FER: variants seen among roughly 807,000 people sequenced by gnomAD.
FER encodes FER tyrosine kinase, also known as tyrosine-protein kinase Fer.
Under a neutral mutation model 111.0 loss-of-function variants are expected in FER, and 63 were observed. The observed-to-expected ratio is 0.57, with a 90% CI of 0.46 to 0.70. The LOEUF is 0.70. Ranked by LOEUF, FER falls within the 30% of genes least tolerant of loss-of-function variation. The pLI is 0.00. For missense variants in FER, 914 were observed against 954.0 expected (o/e 0.96, Z 0.55); for synonymous variants, 327 against 313.9 (o/e 1.04, Z -0.44).
intron 13 of FER, among the ~76,000 whole-genome samples, chr5:108,992,748 G>A (rs1160567908): frequency 1.3e-5 from 2 of 151,720 alleles, no homozygotes; most frequent in Non-Finnish European, 1.5e-5. Context: ...CAGACGGGGT[G>A]GCTGCCGGGC....
chr5:109,004,570 G>A (rs1057383043), intron 13 of FER, among the ~76,000 whole-genome samples: 1 of 152,142 alleles, frequency 6.6e-6, no homozygotes, highest in Non-Finnish European at 1.5e-5. Flanking sequence ...ATGGTAATAT[G>A]CTTACAAAAT....
chr5:109,155,068 A>G (rs773736479), intron 17 of FER, among the ~76,000 whole-genome samples: 14 of 151,900 alleles, frequency 9.2e-5, no homozygotes, highest in Non-Finnish European at 1.2e-4. Context: ...AAATAGTTAC[A>G]TGGAAGCTTT....
At chr5:108,933,789 G>T (rs1177249203) in intron 10 of FER, among the ~76,000 whole-genome samples, 2 of 152,212 alleles carry the variant, frequency 1.3e-5, no homozygotes, top group East Asian at 1.9e-4. Flanking sequence ...TTGAGCAGTG[G>T]TTTGTAGTTC....
At chr5:109,122,969 T>A (rs912853288) in intron 17 of FER, among the ~76,000 whole-genome samples, 21 of 152,142 alleles carry the variant, frequency 1.4e-4, no homozygotes, top group African/African-American at 4.8e-4. Context: ...ATGGATGAAG[T>A]GTTTTTCTTG....
intron 18 of FER, among the ~76,000 whole-genome samples, chr5:109,184,909 A>G (rs1758692306): frequency 1.3e-5 from 2 of 152,162 alleles, no homozygotes; most frequent in African/African-American, 4.8e-5. Flanking sequence ...GTTTTGGAGG[A>G]GGAGTATTTA....
At chr5:109,053,691 A>ATTTTTTTTT (rs544623578) in intron 16 of FER, among the ~76,000 whole-genome samples, 1 of 119,402 alleles carries the variant, frequency 8.4e-6, no homozygotes, top group Admixed American at 9.0e-5. Flanking sequence ...GTGGAGTTCT[A>ATTTTTTTTT]TTTTTTTTTT....
chr5:108,857,562 T>C (rs1298422820), intron 5 of FER, among the ~76,000 whole-genome samples: 1 of 152,126 alleles, frequency 6.6e-6, no homozygotes, highest in Non-Finnish European at 1.5e-5. Context: ...ACGGTGTTAC[T>C]CTTCAGATTT....
intron 8 of FER, among the ~76,000 whole-genome samples, chr5:108,878,185 T>G (rs56985651): frequency 0.23 from 34,191 of 151,946 alleles, 4,012 homozygotes; most frequent in African/African-American, 0.28. Flanking sequence ...GCGATTACAT[T>G]CGGGAGCCAA....
At chr5:109,124,790 T>C (rs759316857) in intron 17 of FER, among the ~76,000 whole-genome samples, 9 of 152,100 alleles carry the variant, frequency 5.9e-5, no homozygotes, top group Non-Finnish European at 1.0e-4. Context: ...CTCACGCCTG[T>C]AATCCCAGCA....
At chr5:108,832,985 C>A in intron 4 of FER, 42 bp downstream of exon 4, 1 of 1,486,740 alleles carries the variant, frequency 6.7e-7, no homozygotes, top group Non-Finnish European at 9.0e-7. Flanking sequence ...AAATTGTTTT[C>A]CAAATTCACA....
chr5:108,892,581 G>A (rs1382762113), intron 9 of FER, among the ~76,000 whole-genome samples: 3 of 152,076 alleles, frequency 2.0e-5, no homozygotes, highest in Non-Finnish European at 2.9e-5. Flanking sequence ...TTTGTCAGAT[G>A]AGCAGCTTGC....
chr5:109,015,824 T>G (rs191920798), intron 13 of FER, among the ~76,000 whole-genome samples: 2 of 152,116 alleles, frequency 1.3e-5, no homozygotes, highest in Admixed American at 1.3e-4. Flanking sequence ...AGAAATTGGC[T>G]TTTTTCTGTG....
chr5:108,764,865 G>GACTTACCT (rs1463680817), intron 1 of FER, among the ~76,000 whole-genome samples: 1 of 152,180 alleles, frequency 6.6e-6, no homozygotes. Flanking sequence ...GGTAAGGCAA[G>GACTTACCT]AGAGTTGCCT....
chr5:109,194,614 T>C lies in FER; in HGVS notation c.*7039T>C, dbSNP rs75911198. 0.11 allele frequency: 16,494 copies of C among 152,254 alleles called. 916 individuals are homozygous for C. The highest frequency in any genetic ancestry group is 0.17 in the Middle Eastern group (50 of 294). The allele number at this position is 152,254 out of a possible 1,614,324, so 9.4% of individuals were successfully genotyped here. ...TCAGTTAGAACACCCTTGCAAAAAC[T>C]GTAACCACTTAAGCAATTCATCTGA... is the stretch of plus-strand genomic sequence containing the variant. On this transcript the variant is annotated 3_prime_UTR_variant, in exon 20 of 20. Coordinates refer to ENST00000281092, the MANE Select transcript of FER (RefSeq NM_005246.4).
At chr5:109,165,750 C>T (rs1756489846) in intron 17 of FER, among the ~76,000 whole-genome samples, 1 of 152,060 alleles carries the variant, frequency 6.6e-6, no homozygotes, top group South Asian at 2.1e-4. Context: ...GGGTGGTAAA[C>T]ATATGTAACA....
intron 9 of FER, among the ~76,000 whole-genome samples, chr5:108,890,415 T>C (rs1747846873): frequency 6.6e-6 from 1 of 152,046 alleles, no homozygotes; most frequent in South Asian, 2.1e-4. Flanking sequence ...GTGTTGGCAG[T>C]GTTGGTTCCT....
At chr5:109,166,636 C>T (rs1232408781) in intron 17 of FER, among the ~76,000 whole-genome samples, 1 of 152,178 alleles carries the variant, frequency 6.6e-6, no homozygotes, top group East Asian at 1.9e-4. Context: ...ATTGTTCTGT[C>T]AGTTTGGGTC....
chr5:109,163,892 A>G (rs1475202911), intron 17 of FER, among the ~76,000 whole-genome samples: 1 of 152,146 alleles, frequency 6.6e-6, no homozygotes, highest in Non-Finnish European at 1.5e-5. Context: ...TTAGACAATA[A>G]CTTCATGGCA....
chr5:108,753,962 G>A (rs1750785239), intron 1 of FER, among the ~76,000 whole-genome samples: 1 of 152,096 alleles, frequency 6.6e-6, no homozygotes, highest in African/African-American at 2.4e-5. Context: ...ATATTTACAT[G>A]TATGACATAT....
Sources: allele counts gnomAD v4.1 joint callset (sites outside exome capture counted in the v4.1 genomes callset), GRCh38; gene constraint gnomAD v4.1.1; transcripts MANE v1.5; gene names NCBI Gene and HGNC (gene_info 2026-07-23, HGNC 2026-07-21).